MAPK8: variants seen among roughly 807,000 people sequenced by gnomAD.
MAPK8 encodes the protein JUN N-terminal kinase.
MAPK8 carries 13 observed loss-of-function variants against 52.9 expected under a neutral mutation model. The ratio of observed to expected loss-of-function variants is 0.25; its 90% CI spans 0.16 to 0.39. The LOEUF is 0.39. Among genes scored for constraint, MAPK8 ranks in the 10% least tolerant of loss-of-function variants. The probability of loss-of-function intolerance (pLI) is 1.00; values close to 1 mark genes in which losing one functional copy is unlikely to be tolerated. For missense variants in MAPK8, 300 were observed against 519.2 expected (o/e 0.58, Z 4.10); for synonymous variants, 191 against 169.8 (o/e 1.12, Z -0.97).
chr10:48,386,175 A>G (rs967037564), intron 1 of MAPK8, among the ~76,000 whole-genome samples: 1 of 152,184 alleles, frequency 6.6e-6, no homozygotes, highest in African/African-American at 2.4e-5. Context: ...TATTAGTGAA[A>G]GATTTGGCAA....
Position 48,411,656 on chromosome 10 carries a change from A to G in MAPK8, c.450+1488A>G, listed in dbSNP as rs1336933402. 4.6e-5 allele frequency among the ~76,000 whole-genome samples: 7 copies of G among 152,302 alleles called. 1 individual carries two copies. The highest frequency in any genetic ancestry group is 1.7e-4 in the African/African-American group (7 of 41,574). On this transcript the variant is annotated intron_variant, in intron 5 of 11. Transcript: ENST00000374189. ...TCATTCTATTTCTGCAGAAAGGGCA[A>G]TTAGAATTCTAATTAGTATTTCATT... is the stretch of plus-strand genomic sequence containing the variant.
intron 1 of MAPK8, among the ~76,000 whole-genome samples, chr10:48,399,836 G>T (rs1312922526): frequency 1.3e-5 from 2 of 152,174 alleles, no homozygotes; most frequent in East Asian, 3.9e-4. Context: ...TAGTCTGAAT[G>T]CTTGGGTGGA....
At chr10:48,419,398 A>G (rs1193526698) in intron 5 of MAPK8, among the ~76,000 whole-genome samples, 1 of 152,226 alleles carries the variant, frequency 6.6e-6, no homozygotes, top group East Asian at 1.9e-4. Context: ...CAGGCAAAGT[A>G]TGTTAAACAT....
chr10:48,399,323 TGA>T (rs2042042016), intron 1 of MAPK8, among the ~76,000 whole-genome samples: 1 of 152,218 alleles, frequency 6.6e-6, no homozygotes, highest in African/African-American at 2.4e-5. Flanking sequence ...ATTGCATGAC[TGA>T]GTATAAGTGA....
At chr10:48,311,362 T>A (rs1342619368) in intron 1 of MAPK8, among the ~76,000 whole-genome samples, 1 of 152,216 alleles carries the variant, frequency 6.6e-6, no homozygotes, top group African/African-American at 2.4e-5. Context: ...GTAATCTGAA[T>A]TGACTGAGAT....
intron 1 of MAPK8, among the ~76,000 whole-genome samples, chr10:48,328,248 G>C (rs974358991): frequency 2.0e-5 from 3 of 151,030 alleles, no homozygotes; most frequent in African/African-American, 7.3e-5. Context: ...CGAACTTCTT[G>C]ATTAGTCTGG....
At chr10:48,347,248 A>G (rs1845878083) in intron 1 of MAPK8, among the ~76,000 whole-genome samples, 1 of 152,220 alleles carries the variant, frequency 6.6e-6, no homozygotes, top group Non-Finnish European at 1.5e-5. Flanking sequence ...TATTAAAAGT[A>G]GATCCAGTCA....
chr10:48,381,747 G>A (rs1029867706), intron 1 of MAPK8, among the ~76,000 whole-genome samples: 1 of 151,944 alleles, frequency 6.6e-6, no homozygotes, highest in African/African-American at 2.4e-5. Context: ...TAATGTTTTT[G>A]TATCTTAATG....
intron 1 of MAPK8, among the ~76,000 whole-genome samples, chr10:48,399,301 T>A (rs1165731093): frequency 6.6e-6 from 1 of 152,216 alleles, no homozygotes; most frequent in Non-Finnish European, 1.5e-5. Context: ...GGTGCTTAAA[T>A]CAGGTTTGAA....
At chr10:48,366,731 C>T (rs1459673818) in intron 1 of MAPK8, among the ~76,000 whole-genome samples, 6 of 152,130 alleles carry the variant, frequency 3.9e-5, no homozygotes, top group South Asian at 2.1e-4. Context: ...CATGGCCCAT[C>T]GGTGTGTTGG....
chr10:48,418,435 GT>G (rs2043179794), intron 5 of MAPK8, among the ~76,000 whole-genome samples: 1 of 149,396 alleles, frequency 6.7e-6, no homozygotes, highest in African/African-American at 2.5e-5. Context: ...ATCATGGTGG[GT>G]TTGTGGACTG....
At chr10:48,398,273 A>G (rs1442291427) in intron 1 of MAPK8, among the ~76,000 whole-genome samples, 2 of 152,240 alleles carry the variant, frequency 1.3e-5, no homozygotes. Context: ...TCATAAGAAG[A>G]CAGCCGTATT....
At chr10:48,321,705 T>C (rs1011334020) in intron 1 of MAPK8, among the ~76,000 whole-genome samples, 1 of 152,224 alleles carries the variant, frequency 6.6e-6, no homozygotes, top group Non-Finnish European at 1.5e-5. Flanking sequence ...AAGGAAGGCA[T>C]GTGAGGTAAT....
chr10:48,344,009 T>C (rs759218810), intron 1 of MAPK8, among the ~76,000 whole-genome samples: 4 of 152,220 alleles, frequency 2.6e-5, no homozygotes, highest in Non-Finnish European at 5.9e-5. Flanking sequence ...TGCAGTAGTT[T>C]GAATCCTCTA....
At chr10:48,321,089 GTT>G (rs34616108) in intron 1 of MAPK8, among the ~76,000 whole-genome samples, 1 of 94,002 alleles carries the variant, frequency 1.1e-5, no homozygotes. Flanking sequence ...CGTTGTAAGA[GTT>G]TTTTTTTTTT....
intron 1 of MAPK8, among the ~76,000 whole-genome samples, chr10:48,397,940 A>G (rs189448967): frequency 3.0e-4 from 46 of 152,328 alleles, no homozygotes; most frequent in African/African-American, 1.1e-3. Context: ...AATATAAAGT[A>G]TGTGATAAAT....
At chr10:48,417,636 G>T (rs2043135006) in intron 5 of MAPK8, among the ~76,000 whole-genome samples, 1 of 152,174 alleles carries the variant, frequency 6.6e-6, no homozygotes, top group Admixed American at 6.5e-5. Flanking sequence ...AGGTAGAAGA[G>T]CAAGAGCTAT....
chr10:48,368,764 A>C (rs959966781), intron 1 of MAPK8, among the ~76,000 whole-genome samples: 2 of 152,238 alleles, frequency 1.3e-5, no homozygotes, highest in Non-Finnish European at 2.9e-5. Context: ...AGGATTCAGC[A>C]TATGCAGAGG....
chr10:48,331,370 G>C (rs1284469994), intron 1 of MAPK8, among the ~76,000 whole-genome samples: 1 of 152,164 alleles, frequency 6.6e-6, no homozygotes, highest in African/African-American at 2.4e-5. Context: ...TCTGCTTTTT[G>C]TATAGTAGCC....
Sources: gnomAD v4.1 joint callset for allele counts (sites outside exome capture counted in the v4.1 genomes callset) on GRCh38, gnomAD v4.1.1 for gene constraint, MANE v1.5 for transcripts, NCBI Gene and HGNC (gene_info 2026-07-23, HGNC 2026-07-21) for gene names.